ACOXL: variants seen among roughly 807,000 people sequenced by gnomAD.
ACOXL encodes the protein acyl-coenzyme A oxidase-like protein.
ACOXL carries 70 observed loss-of-function variants against 71.9 expected under a neutral mutation model. That is an observed-to-expected ratio of 0.97 (90% CI 0.80 to 1.19). ACOXL has a LOEUF of 1.19. Ranked by LOEUF, ACOXL falls within the 50% of genes most tolerant of loss-of-function variation. ACOXL has a pLI of 0.00. For missense variants in ACOXL, 703 were observed against 736.3 expected, an observed-to-expected ratio of 0.95 and a Z score of 0.52; for synonymous variants, 253 against 281.6, an observed-to-expected ratio of 0.90 and a Z score of 1.02.
chr2:110,824,474 G>T (rs532314777), intron 9 of ACOXL, among the ~76,000 whole-genome samples: 5 of 152,202 alleles, frequency 3.3e-5, no homozygotes, highest in Non-Finnish European at 5.9e-5. Context: ...CATTGATATG[G>T]AATACCTTTT....
chr2:110,988,140 G>C (rs550833472), intron 13 of ACOXL, among the ~76,000 whole-genome samples: 31 of 152,256 alleles, frequency 2.0e-4, no homozygotes, highest in African/African-American at 5.3e-4. Context: ...ACTGATCTTA[G>C]CAGAATATTG....
At chr2:110,864,891 C>G (rs1296601021) in intron 10 of ACOXL, among the ~76,000 whole-genome samples, 1 of 152,220 alleles carries the variant, frequency 6.6e-6, no homozygotes, top group Non-Finnish European at 1.5e-5. Context: ...CCTGGAGCGT[C>G]CTGGCCAGCC....
At chr2:110,934,699 C>T (rs558523764) in intron 12 of ACOXL, among the ~76,000 whole-genome samples, 1 of 152,306 alleles carries the variant, frequency 6.6e-6, no homozygotes, top group East Asian at 1.9e-4. Context: ...GCTGCGGGCA[C>T]AGCCTGAGGG....
intron 11 of ACOXL, among the ~76,000 whole-genome samples, chr2:110,930,134 G>A (rs1454262954): frequency 3.9e-5 from 6 of 152,220 alleles, no homozygotes; most frequent in Non-Finnish European, 8.8e-5. Flanking sequence ...CTCACTGCCA[G>A]CTTGTGAAAG....
intron 9 of ACOXL, among the ~76,000 whole-genome samples, chr2:110,822,034 T>C (rs1688673455): frequency 6.6e-6 from 1 of 151,994 alleles, no homozygotes; most frequent in Non-Finnish European, 1.5e-5. Context: ...CCCAGGCTCA[T>C]CTTGTATTTT....
intron 16 of ACOXL, among the ~76,000 whole-genome samples, chr2:111,057,922 G>A (rs990468722): frequency 2.6e-5 from 4 of 152,208 alleles, no homozygotes; most frequent in Non-Finnish European, 5.9e-5. Context: ...GCAGCGAGCC[G>A]CCCAGGCGTG....
intron 12 of ACOXL, among the ~76,000 whole-genome samples, chr2:110,966,055 A>G (rs78849383): frequency 0.011 from 1,745 of 152,198 alleles, 35 homozygotes; most frequent in African/African-American, 0.039. Context: ...CGCCGTTGAC[A>G]ATTTCTGCCT....
At chr2:111,096,419 T>A (rs986117544) in intron 17 of ACOXL, among the ~76,000 whole-genome samples, 5 of 151,870 alleles carry the variant, frequency 3.3e-5, no homozygotes, top group African/African-American at 1.2e-4. Context: ...ATTTTTGTAT[T>A]TTTAGTAGAG....
At chr2:110,777,508 C>A (rs55928449) in intron 2 of ACOXL, among the ~76,000 whole-genome samples, 2 of 152,196 alleles carry the variant, frequency 1.3e-5, no homozygotes, top group Non-Finnish European at 2.9e-5. Flanking sequence ...AGCCAGTTGG[C>A]CCAACTCCAC....
chr2:111,117,588 A>C, intron 17 of ACOXL, 28 bp from the exon 18 acceptor site: 1 of 1,551,260 alleles, frequency 6.4e-7, no homozygotes, highest in Non-Finnish European at 8.7e-7. Context: ...CCAACATCTG[A>C]CCTGTCCCAT....
At chr2:111,105,928 C>G (rs1297966615) in intron 17 of ACOXL, among the ~76,000 whole-genome samples, 3 of 152,096 alleles carry the variant, frequency 2.0e-5, no homozygotes, top group Non-Finnish European at 4.4e-5. Flanking sequence ...TGTCATTTCT[C>G]TTTCTCTGCT....
chr2:111,074,522 C>G (rs2067501899), intron 16 of ACOXL, among the ~76,000 whole-genome samples: 1 of 151,826 alleles, frequency 6.6e-6, no homozygotes, highest in South Asian at 2.1e-4. Flanking sequence ...TTGCCAAATG[C>G]TTTTTCTGCA....
intron 16 of ACOXL, among the ~76,000 whole-genome samples, chr2:111,075,517 A>G (rs1259446346): frequency 7.2e-5 from 11 of 151,946 alleles, no homozygotes; most frequent in Admixed American, 5.9e-4. Context: ...ATCTTTTTGA[A>G]GAACAACCTT....
intron 16 of ACOXL, among the ~76,000 whole-genome samples, chr2:111,073,919 A>G (rs1042005744): frequency 6.6e-6 from 1 of 152,194 alleles, no homozygotes; most frequent in African/African-American, 2.4e-5. Flanking sequence ...TCTTTAATCC[A>G]GATTTTTTAT....
intron 14 of ACOXL, among the ~76,000 whole-genome samples, chr2:111,014,929 T>G (rs544199089): frequency 6.6e-6 from 1 of 152,362 alleles, no homozygotes; most frequent in South Asian, 2.1e-4. Flanking sequence ...ATAAATTAAC[T>G]GTGACCTTCT....
At chr2:110,900,343 A>G (rs563996354) in intron 10 of ACOXL, among the ~76,000 whole-genome samples, 2 of 152,292 alleles carry the variant, frequency 1.3e-5, no homozygotes, top group Admixed American at 1.3e-4. Flanking sequence ...TAGATCAAGG[A>G]TGAGCAGCAT....
At chr2:111,037,437 C>T (rs535210021) in intron 15 of ACOXL, among the ~76,000 whole-genome samples, 18 of 152,180 alleles carry the variant, frequency 1.2e-4, no homozygotes, top group African/African-American at 2.6e-4. Context: ...GTCTGACACC[C>T]GAATGATGTG....
At position 110,793,505 on chromosome 2, in the gene ACOXL, G is replaced by A. The variant is rs1002255104; in HGVS notation, c.160-145G>A. On this transcript the variant is annotated intron_variant, in intron 3 of 17. Coordinates refer to ENST00000439055, the MANE Select transcript of ACOXL (RefSeq NM_001142807.4). Reference sequence around the variant, plus strand: ...GAGCTCACCAGGCAGTGAAGAGGAAGGGCAAAGAAGCATGCCACTTGCAGG... The same window carrying A: ...GAGCTCACCAGGCAGTGAAGAGGAAAGGCAAAGAAGCATGCCACTTGCAGG... The A allele has an allele frequency of 8.3e-5, 59 of 708,200 alleles. No homozygotes were observed. The Admixed American group carries it at 1.2e-3, about 14-fold the overall frequency. The allele number at this position is 708,200 out of a possible 1,614,324, so 43.9% of individuals were successfully genotyped here. A position where few individuals can be genotyped will look rare whatever the true frequency, so the allele number is the denominator to read the frequency against.
At chr2:111,001,336 A>G (rs2063616452) in intron 14 of ACOXL, among the ~76,000 whole-genome samples, 1 of 152,238 alleles carries the variant, frequency 6.6e-6, no homozygotes, top group South Asian at 2.1e-4. Context: ...TACAGAGACA[A>G]TACAAAATGA....
Sources: gnomAD v4.1 joint callset for allele counts (sites outside exome capture counted in the v4.1 genomes callset) on GRCh38, gnomAD v4.1.1 for gene constraint, MANE v1.5 for transcripts, NCBI Gene and HGNC (gene_info 2026-07-23, HGNC 2026-07-21) for gene names.